NFU1: variants seen among roughly 807,000 people sequenced by gnomAD.
NFU1 encodes the protein NFU1 iron-sulfur cluster scaffold.
Under a neutral mutation model 32.2 loss-of-function variants are expected in NFU1, and 30 were observed. The observed-to-expected ratio is 0.93, with a 90% CI of 0.70 to 1.26. NFU1 has a LOEUF of 1.26. Among genes scored for constraint, NFU1 ranks in the 50% most tolerant of loss-of-function variants. NFU1 has a pLI of 0.00. For synonymous variants in NFU1, 112 were observed against 104.6 expected (o/e 1.07, Z -0.43); for missense variants, 306 against 306.6 (o/e 1.00, Z 0.02).
upstream of NFU1, chr2:69,437,657 C>A (rs767846644): frequency 1.3e-5 from 8 of 626,952 alleles, no homozygotes; most frequent in Non-Finnish European, 2.3e-5. Flanking sequence ...TTAATTCACG[C>A]AGCACTGTGA....
chr2:69,427,866 T>C (rs1173006558), intron 2 of NFU1, among the ~76,000 whole-genome samples: 1 of 136,382 alleles, frequency 7.3e-6, no homozygotes, highest in African/African-American at 2.8e-5. Context: ...TTTGTAAAAA[T>C]ACAAAAATTA....
intron 6 of NFU1, among the ~76,000 whole-genome samples, chr2:69,403,455 A>C (rs1672591026): frequency 6.6e-6 from 1 of 150,628 alleles, no homozygotes; most frequent in South Asian, 2.1e-4. Context: ...CAATGGTGTG[A>C]TCACAGCCCA....
At chr2:69,416,073 T>A (rs1673040844) in intron 4 of NFU1, 2 of 144,332 alleles carry the variant, frequency 1.4e-5, no homozygotes, top group South Asian at 2.2e-4. Flanking sequence ...GAGAGGAAGG[T>A]AAAAGGGAAA....
intron 6 of NFU1, among the ~76,000 whole-genome samples, chr2:69,403,259 T>C (rs1350414950): frequency 6.6e-6 from 1 of 152,220 alleles, no homozygotes; most frequent in Admixed American, 6.5e-5. Flanking sequence ...ATCTTATTTT[T>C]GTTCATCAAA....
intron 2 of NFU1, among the ~76,000 whole-genome samples, chr2:69,429,166 ATCT>A (rs1330932578): frequency 6.6e-6 from 1 of 152,236 alleles, no homozygotes; most frequent in African/African-American, 2.4e-5. Flanking sequence ...TCTGTAAATA[ATCT>A]TCTAACTCTG....
chr2:69,407,036 G>A (rs569375275), intron 5 of NFU1, among the ~76,000 whole-genome samples: 8 of 152,112 alleles, frequency 5.3e-5, no homozygotes, highest in Non-Finnish European at 1.2e-4. Context: ...CGCCATGATT[G>A]TAACTTTCCT....
At chr2:69,405,196 A>C (rs909130640) in intron 6 of NFU1, among the ~76,000 whole-genome samples, 2 of 152,084 alleles carry the variant, frequency 1.3e-5, no homozygotes, top group South Asian at 4.1e-4. Flanking sequence ...TAGTGAGCTG[A>C]GATTGCATGC....
At chr2:69,432,538 C>A (rs536279802) in intron 1 of NFU1, among the ~76,000 whole-genome samples, 1 of 151,938 alleles carries the variant, frequency 6.6e-6, no homozygotes, top group East Asian at 1.9e-4. Flanking sequence ...CATGCCATTG[C>A]ACTCCAGCCT....
At chr2:69,437,438 C>T (rs753131969), upstream of NFU1, 24 of 1,609,796 alleles carry the variant, frequency 1.5e-5, no homozygotes, top group South Asian at 4.4e-5. Flanking sequence ...TCCGGAGTGC[C>T]TAAGGGTCTC....
At chr2:69,407,022 C>T (rs1201864396) in intron 5 of NFU1, among the ~76,000 whole-genome samples, 4 of 152,146 alleles carry the variant, frequency 2.6e-5, no homozygotes, top group African/African-American at 7.2e-5. Flanking sequence ...TTTGCTTCCC[C>T]TTCCGCCATG....
chr2:69,437,451 TGACAGAACCAC>T, upstream of NFU1: 1 of 1,606,612 alleles, frequency 6.2e-7, no homozygotes. Flanking sequence ...AGGGTCTCCC[TGACAGAACCAC>T]GAAAGATCTG....
At chr2:69,412,171 C>T (rs1304547014) in intron 5 of NFU1, among the ~76,000 whole-genome samples, 2 of 151,122 alleles carry the variant, frequency 1.3e-5, no homozygotes, top group East Asian at 3.9e-4. Flanking sequence ...CTGCCTCAGC[C>T]TCCCAAGTAG....
At chr2:69,417,145 GA>G (rs1388669941) in intron 4 of NFU1, among the ~76,000 whole-genome samples, 6 of 151,346 alleles carry the variant, frequency 4.0e-5, no homozygotes, top group South Asian at 2.1e-4. Context: ...GTCTGAATGA[GA>G]AAAAAAGGGC....
At chr2:69,416,325 AAATT>A (rs1201845435) in intron 4 of NFU1, 1 of 147,694 alleles carries the variant, frequency 6.8e-6, no homozygotes, top group South Asian at 2.1e-4. Flanking sequence ...TAATTAATAA[AAATT>A]AATATTTAAT....
chr2:69,437,437 C>G (rs778377166), upstream of NFU1: 5 of 1,609,748 alleles, frequency 3.1e-6, no homozygotes, highest in South Asian at 5.5e-5. Context: ...GTCCGGAGTG[C>G]CTAAGGGTCT....
chr2:69,397,831 T>A (rs1313653525), intron 7 of NFU1, among the ~76,000 whole-genome samples: 2 of 151,064 alleles, frequency 1.3e-5, no homozygotes, highest in Non-Finnish European at 2.9e-5. Context: ...GGAGAATCAT[T>A]TGAACTCGGG....
At chr2:69,409,888 G>A (rs1436374736) in intron 5 of NFU1, among the ~76,000 whole-genome samples, 1 of 152,130 alleles carries the variant, frequency 6.6e-6, no homozygotes, top group Non-Finnish European at 1.5e-5. Context: ...ATTTCAGCAT[G>A]ATATTTGGAG....
At chr2:69,399,396 G>T in intron 7 of NFU1, 1 of 447,860 alleles carries the variant, frequency 2.2e-6, no homozygotes, top group Non-Finnish European at 4.5e-6. Flanking sequence ...AGGTATGTTG[G>T]CAAAAAAAAA....
chr2:69,437,461 A>C, upstream of NFU1: 1 of 1,602,116 alleles, frequency 6.2e-7, no homozygotes, highest in Non-Finnish European at 8.5e-7. Flanking sequence ...TGACAGAACC[A>C]CGAAAGATCT....
Sources: allele counts gnomAD v4.1 joint callset (sites outside exome capture counted in the v4.1 genomes callset), GRCh38; gene constraint gnomAD v4.1.1; transcripts MANE v1.5; gene names NCBI Gene and HGNC (gene_info 2026-07-23, HGNC 2026-07-21).